The following PPARGC1A variants were observed in gnomAD, a reference collection of about 807,000 sequenced individuals.
PPARGC1A encodes the protein PPARG coactivator 1 alpha.
PPARGC1A carries 25 observed loss-of-function variants against 88.7 expected under a neutral mutation model. The ratio of observed to expected loss-of-function variants is 0.28; its 90% CI spans 0.21 to 0.39. PPARGC1A has a LOEUF of 0.39. Ranked by LOEUF, PPARGC1A falls within the 10% of genes least tolerant of loss-of-function variation. PPARGC1A has a pLI of 1.00. For missense variants in PPARGC1A, 880 were observed against 968.7 expected (o/e 0.91, Z 1.22); for synonymous variants, 363 against 355.6 (o/e 1.02, Z -0.24).
chr4:24,281,245 A>G, the PPARGC1A span, among the ~76,000 whole-genome samples: 2 of 152,204 alleles, frequency 1.3e-5, no homozygotes, highest in African/African-American at 4.8e-5. Flanking sequence ...GCTATGTAGG[A>G]ATACCTGAGG....
the PPARGC1A span, among the ~76,000 whole-genome samples, chr4:24,355,735 A>G: frequency 6.6e-6 from 1 of 152,190 alleles, no homozygotes; most frequent in Admixed American, 6.5e-5. Flanking sequence ...AAACCCGCCG[A>G]GAGACAAGCG....
At chr4:24,059,604 A>C in the PPARGC1A span, among the ~76,000 whole-genome samples, 1 of 152,194 alleles carries the variant, frequency 6.6e-6, no homozygotes, top group Non-Finnish European at 1.5e-5. Context: ...TCGCTCCCAC[A>C]GCCCGCATCT....
the PPARGC1A span, among the ~76,000 whole-genome samples, chr4:24,056,231 C>G: frequency 6.6e-6 from 1 of 152,152 alleles, no homozygotes; most frequent in Non-Finnish European, 1.5e-5. Context: ...TAAGACAATA[C>G]TCTCTGGGCT....
chr4:23,976,887 C>T, the PPARGC1A span, among the ~76,000 whole-genome samples: 917 of 152,092 alleles, frequency 6.0e-3, 7 homozygotes, highest in Middle Eastern at 0.017. Context: ...ATTAGCAGCC[C>T]TGGAAGACTA....
the PPARGC1A span, among the ~76,000 whole-genome samples, chr4:24,323,547 T>C: frequency 1.3e-5 from 2 of 151,910 alleles, no homozygotes; most frequent in Admixed American, 6.5e-5. Flanking sequence ...AACAACCCCC[T>C]TTGACTGTAA....
the PPARGC1A span, among the ~76,000 whole-genome samples, chr4:24,223,228 C>CGAGAA: frequency 6.8e-6 from 1 of 147,890 alleles, no homozygotes; most frequent in South Asian, 2.1e-4. Context: ...TTTATTTTCT[C>CGAGAA]AATTTTATGG....
the PPARGC1A span, among the ~76,000 whole-genome samples, chr4:24,390,276 T>C: frequency 6.6e-6 from 1 of 152,110 alleles, no homozygotes; most frequent in African/African-American, 2.4e-5. Context: ...AGATCACTAT[T>C]TGAAAATACT....
chr4:23,946,460 C>T, the PPARGC1A span, among the ~76,000 whole-genome samples: 5 of 152,116 alleles, frequency 3.3e-5, no homozygotes, highest in East Asian at 1.9e-4. Flanking sequence ...GAGTGGCTTC[C>T]GCTTGAAGAA....
At chr4:24,137,879 C>T in the PPARGC1A span, among the ~76,000 whole-genome samples, 3 of 152,170 alleles carry the variant, frequency 2.0e-5, no homozygotes. Flanking sequence ...CGTTTCCCCC[C>T]TCAAACACAG....
the PPARGC1A span, among the ~76,000 whole-genome samples, chr4:23,919,668 A>G: frequency 2.0e-5 from 3 of 152,086 alleles, 1 homozygote. Flanking sequence ...TTCAGCCCTT[A>G]AAAAAAGTCC....
chr4:23,935,177 G>A, the PPARGC1A span, among the ~76,000 whole-genome samples: 2 of 152,168 alleles, frequency 1.3e-5, no homozygotes, highest in African/African-American at 4.8e-5. Flanking sequence ...TGCCTGGGAG[G>A]TAGGGTGAGC....
chr4:24,471,837 C>T, the PPARGC1A span, among the ~76,000 whole-genome samples: 97 of 152,374 alleles, frequency 6.4e-4, no homozygotes, highest in Non-Finnish European at 1.1e-3. The surrounding 1 kb of genome is among the most constrained non-coding windows in gnomAD (Gnocchi z 5.4). Flanking sequence ...CCACCCCCCC[C>T]ACCTCCGCGG....
chr4:24,126,721 C>A, the PPARGC1A span, among the ~76,000 whole-genome samples: 17 of 152,268 alleles, frequency 1.1e-4, no homozygotes, highest in African/African-American at 3.8e-4. Context: ...GACACCATCA[C>A]TGATGTTAAT....
chr4:24,453,068 A>G, the PPARGC1A span, among the ~76,000 whole-genome samples: 2 of 152,320 alleles, frequency 1.3e-5, no homozygotes, highest in South Asian at 2.1e-4. Flanking sequence ...AGCTGTCATT[A>G]TAAAAGGGGG....
the PPARGC1A span, among the ~76,000 whole-genome samples, chr4:24,226,373 T>G: frequency 6.6e-6 from 1 of 152,164 alleles, no homozygotes; most frequent in South Asian, 2.1e-4. Flanking sequence ...GTCCTTCTTC[T>G]GCACTCCTGA....
At chr4:24,396,702 G>T in the PPARGC1A span, among the ~76,000 whole-genome samples, 1 of 151,978 alleles carries the variant, frequency 6.6e-6, no homozygotes, top group East Asian at 1.9e-4. Flanking sequence ...AAAGAGCACC[G>T]CATTGCTCCC....
chr4:24,144,949 A>G, the PPARGC1A span, among the ~76,000 whole-genome samples: 3,944 of 149,324 alleles, frequency 0.026, 168 homozygotes, highest in African/African-American at 0.092. Flanking sequence ...TTTTTTTTTA[A>G]CTTTTAGTAA....
the PPARGC1A span, among the ~76,000 whole-genome samples, chr4:24,334,654 G>C: frequency 3.9e-5 from 6 of 152,172 alleles, no homozygotes; most frequent in Admixed American, 3.3e-4. Flanking sequence ...GTTAATTACT[G>C]AGTTTGTTTT....
At chr4:23,864,615 C>G (rs1731833667) in intron 2 of PPARGC1A, among the ~76,000 whole-genome samples, 1 of 152,176 alleles carries the variant, frequency 6.6e-6, no homozygotes, top group Non-Finnish European at 1.5e-5. Flanking sequence ...TCTTTCGCAG[C>G]AGACTGTACA....
Sources: gnomAD v4.1 joint callset for allele counts (sites outside exome capture counted in the v4.1 genomes callset) on GRCh38, gnomAD v4.1.1 for gene constraint, Gnocchi (gnomAD v3.1) non-coding constraint, MANE v1.5 for transcripts, NCBI Gene and HGNC (gene_info 2026-07-23, HGNC 2026-07-21) for gene names.